Variants in GRM7 observed in about 807,000 individuals in gnomAD.
The protein encoded by GRM7 is glutamate metabotropic receptor 7, also known as metabotropic glutamate receptor 7.
GRM7 carries 35 observed loss-of-function variants against 84.5 expected under a neutral mutation model. The ratio of observed to expected loss-of-function variants is 0.41; its 90% CI spans 0.32 to 0.55. GRM7 has a LOEUF of 0.55. Ranked by LOEUF, GRM7 falls within the 20% of genes least tolerant of loss-of-function variation. The pLI is 0.19. For missense variants in GRM7, 1,003 were observed against 1,194.6 expected (o/e 0.84, Z 2.36); for synonymous variants, 487 against 455.1 (o/e 1.07, Z -0.89).
At chr3:7,226,359 T>G (rs1018650495) in intron 2 of GRM7, among the ~76,000 whole-genome samples, 25 of 152,168 alleles carry the variant, frequency 1.6e-4, no homozygotes, top group African/African-American at 5.3e-4. Context: ...TATTTCCTTG[T>G]GGCTGTGTGA....
chr3:7,551,945 A>G (rs1027237317), intron 7 of GRM7, among the ~76,000 whole-genome samples: 5 of 152,242 alleles, frequency 3.3e-5, no homozygotes, highest in African/African-American at 9.6e-5. Context: ...GAAGCAAGGC[A>G]TCTTCTTCAC....
At chr3:7,351,833 G>C (rs1693161899) in intron 4 of GRM7, among the ~76,000 whole-genome samples, 1 of 151,882 alleles carries the variant, frequency 6.6e-6, no homozygotes, top group Admixed American at 6.6e-5. Flanking sequence ...CAGGTCTTCA[G>C]CCTCAGACTG....
chr3:7,025,198 A>G (rs1695936390), intron 1 of GRM7, among the ~76,000 whole-genome samples: 1 of 152,190 alleles, frequency 6.6e-6, no homozygotes, highest in South Asian at 2.1e-4. Flanking sequence ...CAGATGGATC[A>G]TCTAGAATAA....
intron 2 of GRM7, among the ~76,000 whole-genome samples, chr3:7,247,863 A>T (rs1170993666): frequency 1.3e-5 from 2 of 152,154 alleles, no homozygotes; most frequent in Non-Finnish European, 2.9e-5. Context: ...CATTTCAAAA[A>T]GTGATAAAGT....
At chr3:7,109,864 A>T (rs1006860520) in intron 1 of GRM7, among the ~76,000 whole-genome samples, 1 of 152,132 alleles carries the variant, frequency 6.6e-6, no homozygotes, top group African/African-American at 2.4e-5. Flanking sequence ...TAGTATGTTC[A>T]TGATTCTGCC....
At chr3:6,998,040 A>G (rs998554365) in intron 1 of GRM7, among the ~76,000 whole-genome samples, 1 of 144,128 alleles carries the variant, frequency 6.9e-6, no homozygotes, top group African/African-American at 2.5e-5. Context: ...AATCACTTGA[A>G]CCCACAAGGT....
intron 7 of GRM7, among the ~76,000 whole-genome samples, chr3:7,501,902 G>A (rs892881863): frequency 2.0e-5 from 3 of 152,102 alleles, no homozygotes; most frequent in Non-Finnish European, 2.9e-5. Flanking sequence ...AGAGCATAAG[G>A]GATGTCATAT....
intron 1 of GRM7, among the ~76,000 whole-genome samples, chr3:6,894,577 G>T (rs1466351442): frequency 4.6e-5 from 7 of 151,942 alleles, no homozygotes; most frequent in Non-Finnish European, 1.0e-4. Flanking sequence ...ACATATGTGT[G>T]TATATATGTA....
intron 2 of GRM7, among the ~76,000 whole-genome samples, chr3:7,197,568 T>G (rs997798435): frequency 1.3e-5 from 2 of 152,176 alleles, no homozygotes; most frequent in Non-Finnish European, 2.9e-5. Flanking sequence ...TCCATTCATA[T>G]AGACCTCTGT....
chr3:7,004,375 A>G (rs957482117), intron 1 of GRM7, among the ~76,000 whole-genome samples: 4 of 152,192 alleles, frequency 2.6e-5, no homozygotes, highest in Admixed American at 6.5e-5. Flanking sequence ...TCTTTTTTAT[A>G]TATTATATAA....
chr3:7,480,960 T>C (rs567456870), intron 7 of GRM7, among the ~76,000 whole-genome samples: 5 of 152,224 alleles, frequency 3.3e-5, no homozygotes, highest in Admixed American at 6.5e-5. Flanking sequence ...TGGGAGTATA[T>C]TAGAGTCCAA....
intron 2 of GRM7, among the ~76,000 whole-genome samples, chr3:7,290,105 C>T (rs1403270393): frequency 1.3e-5 from 2 of 151,860 alleles, no homozygotes; most frequent in African/African-American, 4.8e-5. Flanking sequence ...AAAAGAATGC[C>T]TGAAATATGA....
rs74990843 is a variant in GRM7, at chr3:7,700,196, C to A, written c.2698+19901C>A. On this transcript the variant is annotated intron_variant, in intron 9 of 9. Transcript: ENST00000357716. ...CAACCTGCTTTCAACAAGGGCACAT[C>A]CCCGCGACTCAGTGGATGTCCCTGA... 2.7e-3 allele frequency among the ~76,000 whole-genome samples: 411 copies of A among 152,256 alleles called. 2 individuals carry two copies. The highest frequency in any genetic ancestry group is 9.5e-3 in the African/African-American group (394 of 41,552).
intron 2 of GRM7, among the ~76,000 whole-genome samples, chr3:7,284,316 A>G (rs201852453): frequency 0.15 from 6,572 of 43,846 alleles, 333 homozygotes; most frequent in African/African-American, 0.26. Flanking sequence ...GTGTGTGTAT[A>G]TACATGAGCT....
Position 7,161,809 on chromosome 3 carries a change from G to T in GRM7, c.736+15141G>T, listed in dbSNP as rs368971349. Among the ~76,000 whole-genome samples, 46 of 152,258 alleles carry T rather than the reference G, an allele frequency of 3.0e-4. No individual in the cohort carries two copies. The Middle Eastern group carries it at 0.01, about 34-fold the overall frequency. On this transcript the variant is annotated intron_variant, in intron 2 of 9. Coordinates refer to ENST00000357716, the MANE Select transcript of GRM7 (RefSeq NM_000844.4). ...GCCTGTGAATTTAGGTGAGATGAAC[G>T]GGAGTAAACAAATAACCATATAGCG...
chr3:6,956,644 T>A lies in GRM7; in HGVS notation c.519+94737T>A, dbSNP rs897946159. 39 of 456,620 alleles carry A rather than the reference T, an allele frequency of 8.5e-5. No homozygotes were observed. The Admixed American group carries it at 9.2e-4, about 11-fold the overall frequency. 28.3% of individuals were successfully genotyped at this position (456,620 alleles called of 1,614,324 possible). A position where few individuals can be genotyped will look rare whatever the true frequency, so the allele number is the denominator to read the frequency against. On this transcript the variant is annotated intron_variant, in intron 1 of 9. Transcript: ENST00000357716. ...AGTAAGTTCAAGCTCATCTTTTCTG[T>A]GCATGTTTACCTGCTCAGTACTGCT...
chr3:7,721,330 C>T (rs950658863), intron 9 of GRM7, among the ~76,000 whole-genome samples: 2 of 152,156 alleles, frequency 1.3e-5, no homozygotes, highest in Non-Finnish European at 2.9e-5. Context: ...GTGTTGGATA[C>T]ATAACGTTTC....
chr3:7,300,292 T>C (rs1699953205), intron 3 of GRM7, among the ~76,000 whole-genome samples: 1 of 152,240 alleles, frequency 6.6e-6, no homozygotes, highest in Non-Finnish European at 1.5e-5. Flanking sequence ...CAAACCTGTC[T>C]CTTTCCCTGC....
chr3:7,602,647 ATCTT>A (rs1360659604), intron 8 of GRM7, among the ~76,000 whole-genome samples: 3 of 152,186 alleles, frequency 2.0e-5, no homozygotes, highest in Non-Finnish European at 4.4e-5. Flanking sequence ...CAGAATAGAA[ATCTT>A]TCTTTATGAA....
Sources: allele counts gnomAD v4.1 joint callset (sites outside exome capture counted in the v4.1 genomes callset), GRCh38; gene constraint gnomAD v4.1.1; transcripts MANE v1.5; gene names NCBI Gene and HGNC (gene_info 2026-07-23, HGNC 2026-07-21).